Variants in AEBP2 observed in about 807,000 individuals in gnomAD.
The protein encoded by AEBP2 is zinc finger protein AEBP2.
Under a neutral mutation model 50.8 loss-of-function variants are expected in AEBP2, and 10 were observed. The observed-to-expected ratio is 0.20, with a 90% CI of 0.12 to 0.33. The LOEUF (loss-of-function observed/expected upper bound fraction) is 0.33. Ranked by LOEUF, AEBP2 falls within the 10% of genes least tolerant of loss-of-function variation. The pLI is 1.00. For missense variants in AEBP2, 570 were observed against 688.0 expected, an observed-to-expected ratio of 0.83 and a Z score of 1.92; for synonymous variants, 296 against 261.3, an observed-to-expected ratio of 1.13 and a Z score of -1.28.
intron 1 of AEBP2, among the ~76,000 whole-genome samples, chr12:19,412,018 T>A (rs1228412900): frequency 6.6e-6 from 1 of 152,222 alleles, no homozygotes; most frequent in African/African-American, 2.4e-5. Flanking sequence ...CTCCTGTCCG[T>A]AAGTGCTGCG....
At position 19,493,708 on chromosome 12, in the gene AEBP2, T is replaced by A. The variant is rs1948928063; in HGVS notation, c.988-92T>A. On this transcript the variant is annotated intron_variant, in intron 3 of 7. Coordinates refer to ENST00000266508, the MANE Select transcript of AEBP2 (RefSeq NM_153207.5). ...AATTAGTTCTATTGTACTACTTATTTACTTCCGAAAATACTAGATATTCAC... is the reference window on the plus strand; with the variant it reads ...AATTAGTTCTATTGTACTACTTATTAACTTCCGAAAATACTAGATATTCAC... The A allele has an allele frequency of 2.4e-6, 3 of 1,226,644 alleles. No homozygotes were observed. The East Asian group carries it at 7.5e-5, about 31-fold the overall frequency. The allele number at this position is 1,226,644 out of a possible 1,614,324, so 76.0% of individuals were successfully genotyped here.
chr12:19,515,431 T>G (rs530655693), intron 7 of AEBP2, among the ~76,000 whole-genome samples: 135 of 152,286 alleles, frequency 8.9e-4, no homozygotes, highest in African/African-American at 3.1e-3. Flanking sequence ...GTTGGAAAAC[T>G]GAGGCAAGAG....
At chr12:19,468,020 C>G (rs1422220385) in intron 2 of AEBP2, among the ~76,000 whole-genome samples, 1 of 151,212 alleles carries the variant, frequency 6.6e-6, no homozygotes, top group African/African-American at 2.4e-5. Context: ...TGCCTTCCAG[C>G]CTGGATGATA....
chr12:19,476,272 T>C (rs1304772885), intron 3 of AEBP2, among the ~76,000 whole-genome samples: 1 of 152,206 alleles, frequency 6.6e-6, no homozygotes, highest in Non-Finnish European at 1.5e-5. Context: ...GTTTCATTCT[T>C]CTACATGTGG....
In AEBP2 at chr12:19,518,513, C is replaced by A; in HGVS notation, c.*396C>A. On this transcript the variant is annotated 3_prime_UTR_variant, in exon 8 of 8. Transcript: ENST00000266508. ...AAGAAAAACAATTACAACATGTGCC[C>A]TTACAAATACCAAAAGCACTGTAAG... 7.9e-7 allele frequency: 1 copy of A among 1,257,990 alleles called. No homozygotes were observed. The allele number at this position is 1,257,990 out of a possible 1,614,324, so 77.9% of individuals were successfully genotyped here. A position where few individuals can be genotyped will look rare whatever the true frequency, so the allele number is the denominator to read the frequency against.
At chr12:19,505,761 TTTTGTTTG>T (rs141114133) in intron 5 of AEBP2, among the ~76,000 whole-genome samples, 9 of 152,010 alleles carry the variant, frequency 5.9e-5, no homozygotes, top group African/African-American at 1.7e-4. Flanking sequence ...CATGGTCTGA[TTTTGTTTG>T]TTTGTTTGTT....
upstream of AEBP2, among the ~76,000 whole-genome samples, chr12:19,439,420 CGGGCGGGGGCG>C (rs1269731245): frequency 4.3e-5 from 2 of 46,404 alleles, no homozygotes; most frequent in African/African-American, 1.2e-4. Flanking sequence ...GGGCGGGCGC[CGGGCGGGGGCG>C]GGGGCGCAGA....
At chr12:19,464,089 G>A (rs938970308) in intron 2 of AEBP2, among the ~76,000 whole-genome samples, 11 of 152,330 alleles carry the variant, frequency 7.2e-5, no homozygotes, top group African/African-American at 2.2e-4. Flanking sequence ...GAGTTAATAT[G>A]TATGATGTCT....
chr12:19,500,075 TA>T, intron 4 of AEBP2, 21 bp from the exon 5 acceptor site: 1 of 1,587,562 alleles, frequency 6.3e-7, no homozygotes, highest in African/African-American at 1.3e-5. Flanking sequence ...AAATATTCTT[TA>T]CTTTTTATGT....
chr12:19,408,899 T>C (rs1454331784), intron 1 of AEBP2, among the ~76,000 whole-genome samples: 1 of 102,896 alleles, frequency 9.7e-6, no homozygotes, highest in Non-Finnish European at 1.9e-5. Flanking sequence ...TGAGACTCTG[T>C]CTCAAATAAA....
At chr12:19,418,109 A>G (rs1410820953) in intron 1 of AEBP2, among the ~76,000 whole-genome samples, 1 of 152,196 alleles carries the variant, frequency 6.6e-6, no homozygotes, top group African/African-American at 2.4e-5. Context: ...GGAAACATTC[A>G]CCATCTGTTG....
At chr12:19,494,062 T>G (rs1948933407) in intron 4 of AEBP2, 76 bp downstream of exon 4, 11 of 1,403,416 alleles carry the variant, frequency 7.8e-6, no homozygotes, top group Non-Finnish European at 8.6e-6. Flanking sequence ...CAAATCCACT[T>G]TGAACTTCAA....
At chr12:19,430,449 G>A (rs913806098) in intron 1 of AEBP2, among the ~76,000 whole-genome samples, 3 of 152,204 alleles carry the variant, frequency 2.0e-5, no homozygotes, top group East Asian at 1.9e-4. Flanking sequence ...GGATTGACTC[G>A]GCAATGCAGG....
At chr12:19,460,259 C>G (rs1391573029) in intron 1 of AEBP2, among the ~76,000 whole-genome samples, 1 of 152,104 alleles carries the variant, frequency 6.6e-6, no homozygotes, top group Non-Finnish European at 1.5e-5. Context: ...AGACACAGAT[C>G]ATTATAAAGC....
intron 1 of AEBP2, among the ~76,000 whole-genome samples, chr12:19,410,377 A>C (rs552317004): frequency 1.5e-4 from 23 of 152,180 alleles, no homozygotes; most frequent in Non-Finnish European, 2.8e-4. Flanking sequence ...ACTTCATTAC[A>C]TCAGAGGTTT....
chr12:19,413,748 T>A lies in AEBP2; in HGVS notation c.-17+9532T>A, dbSNP rs2095740686. The stretch of plus-strand genomic sequence containing the variant: ...ATTGGGTAACTGCCTGATGTTGCCA[T>A]GGCATTTGTAAACTGTCATGGTGCT... On this transcript the variant is annotated intron_variant, in intron 1 of 3. Transcript: ENST00000538425. 3.3e-5 allele frequency among the ~76,000 whole-genome samples: 5 copies of A among 152,282 alleles called. No homozygotes were observed. The Middle Eastern group carries it at 0.014, about 414-fold the overall frequency.
At position 19,439,692 on chromosome 12, in the gene AEBP2, G is replaced by T. The variant is rs1276655982; in HGVS notation, c.-8G>T. 1 of 1,509,852 alleles carries T rather than the reference G, an allele frequency of 6.6e-7. No homozygotes were observed. Among genetic ancestry groups the T allele is most frequent in the East Asian group, 2.7e-5 (1 of 37,568 alleles). The allele number at this position is 1,509,852 out of a possible 1,614,324, so 93.5% of individuals were successfully genotyped here. A position where few individuals can be genotyped will look rare whatever the true frequency, so the allele number is the denominator to read the frequency against. On this transcript the variant is annotated 5_prime_UTR_variant, in exon 1 of 8. Transcript: ENST00000266508. ...GGAGGAGGAGGAGGAGGAGGAGCAGGCGCCGCCATGGCCGCCGCTATCACC... is the reference window on the plus strand; with the variant it reads ...GGAGGAGGAGGAGGAGGAGGAGCAGTCGCCGCCATGGCCGCCGCTATCACC...
intron 1 of AEBP2, among the ~76,000 whole-genome samples, chr12:19,411,454 T>C (rs943953584): frequency 4.6e-5 from 7 of 152,188 alleles, no homozygotes; most frequent in Non-Finnish European, 8.8e-5. Flanking sequence ...TTTCCTCTTC[T>C]GTCTTTGGTT....
chr12:19,452,117 C>T (rs554969395), intron 1 of AEBP2, among the ~76,000 whole-genome samples: 1 of 152,262 alleles, frequency 6.6e-6, no homozygotes, highest in Non-Finnish European at 1.5e-5. Context: ...TCTCGAACTC[C>T]TGACCTCAAG....
Sources: allele counts gnomAD v4.1 joint callset (sites outside exome capture counted in the v4.1 genomes callset), GRCh38; gene constraint gnomAD v4.1.1; transcripts MANE v1.5; gene names NCBI Gene and HGNC (gene_info 2026-07-23, HGNC 2026-07-21).